The following NAA30 variants were observed in gnomAD, a reference collection of about 807,000 sequenced individuals.
The protein encoded by NAA30 is N-alpha-acetyltransferase 30, NatC catalytic subunit.
Under a neutral mutation model 31.4 loss-of-function variants are expected in NAA30, and 5 were observed. The ratio of observed to expected loss-of-function variants is 0.16; its 90% CI spans 0.08 to 0.33. NAA30 has a LOEUF of 0.33. Ranked by LOEUF, NAA30 falls within the 10% of genes least tolerant of loss-of-function variation. NAA30 has a pLI of 1.00. For synonymous variants in NAA30, 222 were observed against 207.1 expected (o/e 1.07, Z -0.62); for missense variants, 428 against 490.8 (o/e 0.87, Z 1.21).
At chr14:57,407,013 C>G (rs752048245) in intron 4 of NAA30, among the ~76,000 whole-genome samples, 7 of 152,044 alleles carry the variant, frequency 4.6e-5, no homozygotes, top group Non-Finnish European at 1.0e-4. Context: ...CCACCTCTGC[C>G]CCTCCAAGTA....
chr14:57,403,308 C>A (rs2066485145), intron 4 of NAA30, among the ~76,000 whole-genome samples: 1 of 147,202 alleles, frequency 6.8e-6, no homozygotes, highest in South Asian at 2.1e-4. Context: ...TTTTTACTTT[C>A]TATTCTGTAT....
In NAA30 at chr14:57,409,160, A is replaced by G. The variant is rs148970312; in HGVS notation, c.952-219A>G. 7.7e-3 allele frequency among the ~76,000 whole-genome samples: 1,176 copies of G among 152,350 alleles called. 52 individuals are homozygous for G. The highest frequency in any genetic ancestry group is 0.068 in the Admixed American group (1,047 of 15,302). On this transcript the variant is annotated intron_variant, in intron 4 of 4. Coordinates refer to ENST00000556492, the MANE Select transcript of NAA30 (RefSeq NM_001011713.3). Reference sequence around the variant, plus strand: ...CTAAACATTTCAAACTACACAAATCAGTAGAACAGAAGATAAATCTGCAGT... The same window carrying G: ...CTAAACATTTCAAACTACACAAATCGGTAGAACAGAAGATAAATCTGCAGT...
In NAA30 at chr14:57,391,299, C is replaced by T. The variant is rs758761158; in HGVS notation, c.342C>T (p.Thr114=). The part of the protein sequence containing the change: ...KVLSVAEVAA[T]TATPDGGPRA... ...TGAGCGTAGCAGAGGTGGCCGCGAC[C>T]ACAGCCACCCCTGACGGAGGCCCCA... is the stretch of plus-strand genomic sequence containing the variant. The change falls in exon 2 of 5, where the codon ACC becomes ACT. Residue 114 remains threonine (T), a synonymous_variant. Coordinates refer to ENST00000556492, the MANE Select transcript of NAA30 (RefSeq NM_001011713.3). This position sits in a 1 kb window ranked among gnomAD's most constrained non-coding sequence, Gnocchi z 4.1. 1.2e-6 allele frequency: 2 copies of T among 1,610,558 alleles called. No individual in the cohort carries two copies. Among genetic ancestry groups the T allele is most frequent in the Non-Finnish European group, 1.7e-6 (2 of 1,178,890 alleles).
intron 4 of NAA30, among the ~76,000 whole-genome samples, chr14:57,409,077 A>G (rs2139767077): frequency 6.6e-6 from 1 of 152,310 alleles, no homozygotes; most frequent in East Asian, 1.9e-4. Context: ...TAGTCATTTT[A>G]CCTTTCCCCA....
Position 57,413,228 on chromosome 14 carries a change from T to G in NAA30, c.*3712T>G, listed in dbSNP as rs1427555508. 1 of 152,146 alleles carries G rather than the reference T, an allele frequency of 6.6e-6. No homozygotes were observed. Among genetic ancestry groups the G allele is most frequent in the Non-Finnish European group, 1.5e-5 (1 of 68,028 alleles). The allele number at this position is 152,146 out of a possible 1,614,324, so 9.4% of individuals were successfully genotyped here. A position where few individuals can be genotyped will look rare whatever the true frequency, so the allele number is the denominator to read the frequency against. On this transcript the variant is annotated 3_prime_UTR_variant, in exon 5 of 5. Transcript: ENST00000556492. ...TTAAATAGCTGTGAATACTTCTGTA[T>G]GTCAAGATTTTCGGATTTTAGTGGA...
In NAA30 at chr14:57,391,324, A is replaced by G. The variant is rs1179394169; in HGVS notation, c.367A>G (p.Arg123Gly). 3 of 1,611,624 alleles carry G rather than the reference A, an allele frequency of 1.9e-6. No individual in the cohort carries two copies. In the Admixed American group the frequency reaches 5.0e-5, roughly 27 times the overall value. ...ATTATPDGGP[R>G]ATATKGAGVH... ...CACAGCCACCCCTGACGGAGGCCCCAGAGCGACTGCAACAAAAGGAGCCGG... is the reference window on the plus strand; with the variant it reads ...CACAGCCACCCCTGACGGAGGCCCCGGAGCGACTGCAACAAAAGGAGCCGG... The change falls in exon 2 of 5, where the codon AGA (arginine) becomes GGA (glycine). Residue 123 changes from arginine to glycine, a missense_variant. This residue lies in a region of NAA30 where 349 missense variants were observed against 310.4 expected (regional missense o/e 1.12). Coordinates refer to ENST00000556492, the MANE Select transcript of NAA30 (RefSeq NM_001011713.3). The surrounding 1 kb of genome is among the most constrained non-coding windows in gnomAD (Gnocchi z 4.1).
rs1304226668 is a variant in NAA30, at chr14:57,412,093, T to C, written c.*2577T>C. 6.6e-6 allele frequency: 1 copy of C among 152,144 alleles called. No individual in the cohort carries two copies. The highest frequency in any genetic ancestry group is 1.5e-5 in the Non-Finnish European group (1 of 68,010). 9.4% of individuals were successfully genotyped at this position (152,144 alleles called of 1,614,324 possible). On this transcript the variant is annotated 3_prime_UTR_variant, in exon 5 of 5. Coordinates refer to ENST00000556492, the MANE Select transcript of NAA30 (RefSeq NM_001011713.3). The stretch of plus-strand genomic sequence containing the variant: ...TGTTAGTATTGAAGAAGCTAACGGG[T>C]ATACTATCATTTTTGATGTGTGGGC...
At chr14:57,408,295 G>A (rs1169205551) in intron 4 of NAA30, among the ~76,000 whole-genome samples, 1 of 152,148 alleles carries the variant, frequency 6.6e-6, no homozygotes, top group African/African-American at 2.4e-5. Flanking sequence ...GAAATAAGTT[G>A]AGAAACAATT....
chr14:57,391,127 C>G lies in NAA30; in HGVS notation c.170C>G (p.Ala57Gly), dbSNP rs1275803170. Residue 57 changes from alanine to glycine, a missense_variant, in exon 2 of 5, where the codon GCG becomes GGG. Ala to Gly is a moderately conservative substitution (Grantham distance 60). Around this residue, in one of 2 missense-constraint regions of NAA30, gnomAD observed 349 missense variants for 310.4 expected, o/e 1.12. Coordinates refer to ENST00000556492, the MANE Select transcript of NAA30 (RefSeq NM_001011713.3). The surrounding 1 kb of genome is among the most constrained non-coding windows in gnomAD (Gnocchi z 4.1). ...GAAGGCGGCGGCAGCAGGAGCCCGG[C>G]GGGCGGAGAGTCGGCGACGGTGGCG... ...EHEGGGSRSP[A>G]GGESATVAAK... 1 of 1,574,026 alleles carries G rather than the reference C, an allele frequency of 6.4e-7. No homozygotes were observed.
At chr14:57,395,874 C>A (rs936715874) in intron 2 of NAA30, among the ~76,000 whole-genome samples, 1 of 152,236 alleles carries the variant, frequency 6.6e-6, no homozygotes, top group East Asian at 1.9e-4. Flanking sequence ...TGTGCTTTTT[C>A]TGAAAATTTT....
Position 57,391,629 on chromosome 14 carries a change from G to A in NAA30, c.672G>A (p.Met224Ile). The A allele has an allele frequency of 6.2e-7, 1 of 1,614,224 alleles. No homozygotes were observed. The highest frequency in any genetic ancestry group is 8.5e-7 in the Non-Finnish European group (1 of 1,180,038). ...RYVRYESELQ[M>I]PDIMRLITKD... is the part of the protein sequence containing the mutation. ...TCCGATATGAATCCGAGCTACAAAT[G>A]CCCGATATCATGAGACTGATCACCA... Residue 224 changes from methionine to isoleucine, a missense_variant, in exon 2 of 5, where the codon ATG becomes ATA. By Grantham distance (10) the Met-to-Ile change is conservative. Coordinates refer to ENST00000556492, the MANE Select transcript of NAA30 (RefSeq NM_001011713.3). The surrounding 1 kb of genome is among the most constrained non-coding windows in gnomAD (Gnocchi z 4.1).
intron 1 of NAA30, 76 bp from the exon 2 acceptor site, chr14:57,390,881 C>T (rs2066423523): frequency 6.3e-6 from 9 of 1,420,874 alleles, no homozygotes; most frequent in Non-Finnish European, 8.3e-6. Context: ...CGGCCGCCCC[C>T]CATCCGTCGC....
At chr14:57,405,398 G>A (rs902827347) in intron 4 of NAA30, among the ~76,000 whole-genome samples, 3 of 142,154 alleles carry the variant, frequency 2.1e-5, no homozygotes, top group Admixed American at 7.7e-5. Context: ...TGTTTATTAT[G>A]TATTTACTAA....
chr14:57,397,422 T>C (rs566018172), intron 3 of NAA30, among the ~76,000 whole-genome samples: 3 of 152,342 alleles, frequency 2.0e-5, no homozygotes, highest in African/African-American at 7.2e-5. Flanking sequence ...GTTTAGTTAA[T>C]CTTAACACTC....
chr14:57,397,025 G>T, intron 3 of NAA30, 150 bp downstream of exon 3: 20 of 801,344 alleles, frequency 2.5e-5, no homozygotes, highest in Middle Eastern at 4.0e-4. Flanking sequence ...ATTTCAAAAT[G>T]GTATTTTTAA....
At chr14:57,406,190 A>C (rs1379477465) in intron 4 of NAA30, among the ~76,000 whole-genome samples, 1 of 152,202 alleles carries the variant, frequency 6.6e-6, no homozygotes, top group African/African-American at 2.4e-5. Flanking sequence ...ACATTGGTGT[A>C]ACTTTTTTCT....
chr14:57,394,573 A>C (rs556383495), intron 2 of NAA30, among the ~76,000 whole-genome samples: 2 of 152,138 alleles, frequency 1.3e-5, no homozygotes, highest in Non-Finnish European at 2.9e-5. Flanking sequence ...AAAATGCAGC[A>C]TTGGTCTTCA....
intron 3 of NAA30, 70 bp from the exon 4 acceptor site, chr14:57,399,758 G>T (rs1018506372): frequency 2.4e-6 from 2 of 850,164 alleles, no homozygotes; most frequent in Non-Finnish European, 3.9e-6. Flanking sequence ...CTGTGCTTAC[G>T]AATATTATAA....
intron 2 of NAA30, among the ~76,000 whole-genome samples, chr14:57,394,124 AAAAAG>A (rs1406038958): frequency 1.3e-5 from 2 of 152,054 alleles, no homozygotes; most frequent in Non-Finnish European, 2.9e-5. Context: ...AAAAAAAAAA[AAAAAG>A]GACAAATGTG....
Sources: allele counts gnomAD v4.1 joint callset (sites outside exome capture counted in the v4.1 genomes callset), GRCh38; gene constraint gnomAD v4.1.1; regional missense constraint gnomAD v4.1.1; non-coding constraint Gnocchi (gnomAD v3.1); transcripts MANE v1.5; gene names NCBI Gene and HGNC (gene_info 2026-07-23, HGNC 2026-07-21).